Variants in HAUS7 observed in about 807,000 individuals in gnomAD.
The protein encoded by HAUS7 is HAUS augmin-like complex subunit 7.
In HAUS7, 3 loss-of-function variants were observed where a neutral mutation model predicts 28.4. That is an observed-to-expected ratio of 0.11 (90% CI 0.05 to 0.27). The LOEUF is 0.27. HAUS7 is among the 10% of genes least tolerant of loss of function. The pLI is 1.00. For synonymous variants in HAUS7, 165 were observed against 132.1 expected, an observed-to-expected ratio of 1.25 and a Z score of -1.71; for missense variants, 284 against 297.3, an observed-to-expected ratio of 0.96 and a Z score of 0.33.
At chrX:153,495,456 G>C (rs1407897680) in exon 1 of HAUS7, 1 of 112,287 alleles carries the variant, frequency 8.9e-6, no homozygotes, top group African/African-American at 3.2e-5. Flanking sequence ...AGCGTGGCTG[G>C]GTGACTGGTA....
intron 3 of HAUS7, among the ~76,000 whole-genome samples, chrX:153,464,544 T>C (rs187686787): frequency 8.0e-5 from 9 of 112,779 alleles, no homozygotes; most frequent in African/African-American, 2.9e-4. Context: ...ACCATGAAGA[T>C]GAAAAGTTAG....
chrX:153,478,283 C>T (rs2089575370), intron 1 of HAUS7, among the ~76,000 whole-genome samples: 1 of 112,089 alleles, frequency 8.9e-6, no homozygotes, highest in South Asian at 3.7e-4. Flanking sequence ...CAGGGACTTC[C>T]GGCAGCCCTC....
chrX:153,478,453 G>A (rs782159255), intron 1 of HAUS7, among the ~76,000 whole-genome samples: 8 of 112,796 alleles, frequency 7.1e-5, no homozygotes, highest in Non-Finnish European at 1.3e-4. Flanking sequence ...TGACCAAAAG[G>A]ATGCGTGCAG....
At chrX:153,494,083 G>A (rs1174631875) in intron 1 of HAUS7, among the ~76,000 whole-genome samples, 3 of 111,767 alleles carry the variant, frequency 2.7e-5, no homozygotes, top group African/African-American at 3.3e-5. Flanking sequence ...TACGGGACAG[G>A]GGGGCAGTGT....
In HAUS7 at chrX:153,489,478, G is replaced by A. The variant is rs1397366088; in HGVS notation, c.-589+5896C>T. ...TGACCCCAAAATGCTGGGCATCTGAGGGGACATTGCAGTGACAATTGCAAT... is the reference window on the plus strand; with the variant it reads ...TGACCCCAAAATGCTGGGCATCTGAAGGGACATTGCAGTGACAATTGCAAT... On this transcript the variant is annotated intron_variant, in intron 1 of 5. Coordinates refer to the HAUS7 transcript ENST00000370210. Among the ~76,000 whole-genome samples, 6 of 112,948 alleles carry A rather than the reference G, an allele frequency of 5.3e-5. No individual in the cohort carries two copies. The Admixed American group carries it at 5.6e-4, about 11-fold the overall frequency.
intron 1 of HAUS7, among the ~76,000 whole-genome samples, chrX:153,493,849 C>T (rs2089687690): frequency 8.9e-6 from 1 of 112,025 alleles, no homozygotes; most frequent in African/African-American, 3.2e-5. Flanking sequence ...GGGTTGAAGA[C>T]CCTCAGCCCT....
At chrX:153,486,806 C>T in intron 1 of HAUS7, 1 of 981,744 alleles carries the variant, frequency 1.0e-6, no homozygotes, top group Non-Finnish European at 1.3e-6. Context: ...GAGGAGGGCT[C>T]CTAGTCCTGC....
At chrX:153,457,285 G>T in intron 4 of HAUS7, 57 bp from the exon 5 acceptor site, 1 of 802,094 alleles carries the variant, frequency 1.2e-6, no homozygotes, top group Non-Finnish European at 1.9e-6. Flanking sequence ...GCCAAGGCCA[G>T]CTGTCCCCAG....
intron 9 of HAUS7, among the ~76,000 whole-genome samples, chrX:153,448,895 C>T (rs975831332): frequency 8.9e-5 from 10 of 112,848 alleles, no homozygotes; most frequent in African/African-American, 3.2e-4. Context: ...CCAGGGGCAG[C>T]ACATGGCACA....
chrX:153,470,164 T>A (rs782025857), intron 1 of HAUS7, among the ~76,000 whole-genome samples: 12 of 113,341 alleles, frequency 1.1e-4, no homozygotes, highest in Admixed American at 2.8e-4. Context: ...CCTCTGTGTC[T>A]GCACTTGCTC....
chrX:153,474,494 C>T (rs1352232209), upstream of HAUS7, among the ~76,000 whole-genome samples: 3 of 111,941 alleles, frequency 2.7e-5, no homozygotes, highest in East Asian at 8.5e-4. Flanking sequence ...GCAGGGCCTG[C>T]GACCTAGGGC....
upstream of HAUS7, among the ~76,000 whole-genome samples, chrX:153,472,294 G>T (rs782236680): frequency 8.9e-6 from 1 of 112,162 alleles, no homozygotes; most frequent in African/African-American, 3.2e-5. Flanking sequence ...CTTGAGAGGC[G>T]AAGATCATCT....
chrX:153,464,051 G>A (rs2089426933), intron 3 of HAUS7, among the ~76,000 whole-genome samples: 1 of 112,706 alleles, frequency 8.9e-6, no homozygotes, highest in African/African-American at 3.2e-5. Flanking sequence ...TTAACCATTC[G>A]TCGGATGAAT....
At chrX:153,466,893 G>A (rs1454459533) in intron 2 of HAUS7, among the ~76,000 whole-genome samples, 3 of 112,203 alleles carry the variant, frequency 2.7e-5, no homozygotes, top group Non-Finnish European at 3.8e-5. Flanking sequence ...AGGGACACTC[G>A]ACCAGTATAA....
In HAUS7 at chrX:153,477,224, C is replaced by T. The variant is rs782600613; in HGVS notation, c.-588-6079G>A. 2.8e-3 allele frequency among the ~76,000 whole-genome samples: 322 copies of T among 113,586 alleles called. 1 individual carries two copies. The highest frequency in any genetic ancestry group is 4.6e-3 in the Middle Eastern group (1 of 219). On this transcript the variant is annotated intron_variant, in intron 1 of 5. Transcript: ENST00000370210. ...GCCAGAGAAACCTGGGAGCAGGCTT[C>T]CCCCACCCCCAGCCCAGCTAATGGG...
intron 1 of HAUS7, chrX:153,486,761 A>T (rs1196443681): frequency 4.1e-6 from 4 of 981,031 alleles, no homozygotes; most frequent in Non-Finnish European, 5.3e-6. Flanking sequence ...ACCCGAGCCT[A>T]TCACAGCGTG....
chrX:153,493,461 G>T (rs917160689), intron 1 of HAUS7, among the ~76,000 whole-genome samples: 1 of 112,109 alleles, frequency 8.9e-6, no homozygotes, highest in Non-Finnish European at 1.9e-5. Context: ...AGAGTCGGAC[G>T]CTGAGGCTGG....
chrX:153,484,655 G>C (rs782126687), intron 1 of HAUS7, among the ~76,000 whole-genome samples: 1 of 112,878 alleles, frequency 8.9e-6, no homozygotes, highest in Non-Finnish European at 1.9e-5. Context: ...GCATCCTTGC[G>C]TTCCAGGAAA....
At chrX:153,492,959 G>A (rs1335538063) in intron 1 of HAUS7, among the ~76,000 whole-genome samples, 4 of 111,890 alleles carry the variant, frequency 3.6e-5, no homozygotes, top group African/African-American at 6.5e-5. Context: ...GAAGGTACTG[G>A]GTACCAGCAC....
Sources: allele counts gnomAD v4.1 joint callset (sites outside exome capture counted in the v4.1 genomes callset), GRCh38; gene constraint gnomAD v4.1.1; transcripts MANE v1.5; gene names NCBI Gene and HGNC (gene_info 2026-07-23, HGNC 2026-07-21).